Variants in TCTN1 observed in about 807,000 individuals in gnomAD.
TCTN1 encodes the protein tectonic family member 1.
Under a neutral mutation model 65.8 loss-of-function variants are expected in TCTN1, and 58 were observed. The observed-to-expected ratio is 0.88, with a 90% CI of 0.71 to 1.10. The LOEUF (loss-of-function observed/expected upper bound fraction) is 1.10. Ranked by LOEUF, TCTN1 falls within the 50% of genes least tolerant of loss-of-function variation. The pLI is 0.00. For missense variants in TCTN1, 645 were observed against 719.4 expected (o/e 0.90, Z 1.18); for synonymous variants, 273 against 289.1 (o/e 0.94, Z 0.57).
At chr12:110,614,634 C>A (rs530915099) in intron 1 of TCTN1, among the ~76,000 whole-genome samples, 9 of 152,318 alleles carry the variant, frequency 5.9e-5, no homozygotes, top group Admixed American at 5.9e-4. Context: ...GGAACGGTAT[C>A]AAACCTTTGA....
At chr12:110,629,051 C>A in intron 4 of TCTN1, 133 bp downstream of exon 4, 2 of 949,702 alleles carry the variant, frequency 2.1e-6, no homozygotes, top group South Asian at 2.9e-5. Context: ...ACTTAATGTT[C>A]ATGCCTACAA....
At chr12:110,628,991 A>G in intron 4 of TCTN1, 73 bp downstream of exon 4, 1 of 1,578,222 alleles carries the variant, frequency 6.3e-7, no homozygotes, top group Non-Finnish European at 8.7e-7. Context: ...TTTCAAGGTT[A>G]CCAGGAAAAC....
intron 1 of TCTN1, chr12:110,616,267 T>C (rs1268374211): frequency 2.2e-6 from 1 of 451,490 alleles, no homozygotes. Flanking sequence ...TTTTTTTTTT[T>C]TGGTCACAGG....
intron 5 of TCTN1, among the ~76,000 whole-genome samples, chr12:110,633,027 C>A (rs2066333184): frequency 6.6e-6 from 1 of 152,208 alleles, no homozygotes; most frequent in South Asian, 2.1e-4. Flanking sequence ...GTTAGTATCT[C>A]CATTTTTTAG....
At chr12:110,627,868 T>G in intron 3 of TCTN1, 4 of 619,694 alleles carry the variant, frequency 6.5e-6, no homozygotes, top group Non-Finnish European at 1.1e-5. Context: ...TTTGTCAAAT[T>G]CTGTCATATT....
At position 110,645,257 on chromosome 12, in the gene TCTN1, T is replaced by C. The variant is rs984847775; in HGVS notation, c.1494+128T>C. ...CTGAGTGGGAGCGCGGGCTGAATCT[T>C]GGATACTGATTTTTGCCCCTTGTTA... is the stretch of plus-strand genomic sequence containing the variant. On this transcript the variant is annotated intron_variant, in intron 12 of 14. Coordinates refer to ENST00000397659, the MANE Select transcript of TCTN1 (RefSeq NM_001082538.3). 6 of 1,256,762 alleles carry C rather than the reference T, an allele frequency of 4.8e-6. No individual in the cohort carries two copies. The Admixed American group carries it at 1.0e-4, about 21-fold the overall frequency. The allele number at this position is 1,256,762 out of a possible 1,614,324, so 77.9% of individuals were successfully genotyped here.
At chr12:110,623,847 A>G (rs7971825) in intron 2 of TCTN1, among the ~76,000 whole-genome samples, 20,321 of 150,970 alleles carry the variant, frequency 0.13, 1,938 homozygotes, top group African/African-American at 0.27. Flanking sequence ...AGCCTCCCAA[A>G]ATGCTGGGAT....
intron 2 of TCTN1, among the ~76,000 whole-genome samples, chr12:110,620,845 C>T (rs1047713877): frequency 6.8e-6 from 1 of 147,644 alleles, no homozygotes; most frequent in Non-Finnish European, 1.5e-5. Flanking sequence ...TGGAGTCTCG[C>T]TCTGTTGCCC....
At chr12:110,638,906 C>A (rs943561640) in intron 7 of TCTN1, among the ~76,000 whole-genome samples, 10 of 152,172 alleles carry the variant, frequency 6.6e-5, no homozygotes, top group African/African-American at 2.2e-4. Flanking sequence ...TGCTGAAACC[C>A]CTTGGTGCGG....
At chr12:110,614,480 G>C (rs1301891159) in intron 1 of TCTN1, 78 bp downstream of exon 1, 4 of 1,547,650 alleles carry the variant, frequency 2.6e-6, no homozygotes, top group Middle Eastern at 1.7e-4. Context: ...ACGTAATAAT[G>C]ATAGCTAACT....
chr12:110,634,756 T>TA lies in TCTN1; in HGVS notation c.800dup (p.Tyr267Ter). 6.2e-7 allele frequency: 1 copy of TA among 1,611,334 alleles called. No homozygotes were observed. Among genetic ancestry groups the TA allele is most frequent in the Non-Finnish European group, 8.5e-7 (1 of 1,178,576 alleles). Residue 267 changes from tyrosine to a stop codon, truncating the protein, a stop_gained and frameshift_variant, in exon 6 of 15, where the codon TAC (tyrosine) becomes TAAC (stop). Transcript: ENST00000397659. LOFTEE classifies it high-confidence loss of function. ...EEIEALSMAF[Y>*]SSPEILRVPD... Reference sequence around the variant, plus strand: ...AATTGAAGCCCTCAGCATGGCTTTTTACAGCAGCCCGGAAATTCTGAGGGT... The same window carrying TA: ...AATTGAAGCCCTCAGCATGGCTTTTTAACAGCAGCCCGGAAATTCTGAGGGT...
At chr12:110,614,538 C>T in intron 1 of TCTN1, 136 bp downstream of exon 1, 2 of 1,492,274 alleles carry the variant, frequency 1.3e-6, no homozygotes, top group Non-Finnish European at 1.8e-6. Flanking sequence ...GTTCCATAAA[C>T]GTCCATTCTC....
chr12:110,632,422 A>C, intron 4 of TCTN1, 50 bp from the exon 5 acceptor site: 4 of 1,599,840 alleles, frequency 2.5e-6, no homozygotes, highest in Non-Finnish European at 3.4e-6. Flanking sequence ...GTAAGTGTTG[A>C]ATGAATACTT....
At chr12:110,622,733 C>T (rs2065529752) in intron 2 of TCTN1, among the ~76,000 whole-genome samples, 1 of 152,050 alleles carries the variant, frequency 6.6e-6, no homozygotes. Flanking sequence ...CCCCAGGGGC[C>T]TTGTGTATAT....
chr12:110,646,950 T>C, intron 12 of TCTN1: 1 of 499,012 alleles, frequency 2.0e-6, no homozygotes. Flanking sequence ...CAGTTTCAGG[T>C]GATGTCGGCA....
chr12:110,628,192 G>A, intron 3 of TCTN1: 1 of 1,536,012 alleles, frequency 6.5e-7, no homozygotes, highest in Non-Finnish European at 8.7e-7. Flanking sequence ...GAAATAGACG[G>A]ATTATTATTG....
At chr12:110,619,415 C>A (rs1279157774) in intron 1 of TCTN1, among the ~76,000 whole-genome samples, 1 of 152,114 alleles carries the variant, frequency 6.6e-6, no homozygotes, top group African/African-American at 2.4e-5. Context: ...TCCTCTGAAT[C>A]GTAATCTCTA....
intron 3 of TCTN1, chr12:110,627,759 A>G (rs775924264): frequency 6.5e-6 from 3 of 461,180 alleles, no homozygotes; most frequent in Admixed American, 3.8e-5. Context: ...CTTTATTTTT[A>G]TCTGAGCATT....
chr12:110,645,172 C>G (rs771665685), intron 12 of TCTN1, 43 bp downstream of exon 12: 10 of 1,610,052 alleles, frequency 6.2e-6, no homozygotes, highest in African/African-American at 5.3e-5. Flanking sequence ...TGGTCTCTGT[C>G]TTCCAGGTGG....
Sources: allele counts gnomAD v4.1 joint callset (sites outside exome capture counted in the v4.1 genomes callset), GRCh38; gene constraint gnomAD v4.1.1; transcripts MANE v1.5; gene names NCBI Gene and HGNC (gene_info 2026-07-23, HGNC 2026-07-21).